Variants in TLN2 observed in about 807,000 individuals in gnomAD.
TLN2 encodes the protein talin-2.
TLN2 carries 118 observed loss-of-function variants against 294.7 expected under a neutral mutation model. The ratio of observed to expected loss-of-function variants is 0.40; its 90% CI spans 0.34 to 0.47. The LOEUF is 0.47. Ranked by LOEUF, TLN2 falls within the 20% of genes least tolerant of loss-of-function variation. The pLI, the probability that TLN2 is intolerant of heterozygous loss-of-function variation, is 0.84. For synonymous variants in TLN2, 1,431 were observed against 1,304.5 expected (o/e 1.10, Z -2.09); for missense variants, 3,083 against 3,282.2 (o/e 0.94, Z 1.48).
intron 1 of TLN2, among the ~76,000 whole-genome samples, chr15:62,573,031 T>G (rs1031271254): frequency 6.6e-6 from 1 of 152,232 alleles, no homozygotes; most frequent in African/African-American, 2.4e-5. Context: ...CCAGTGCCCC[T>G]GCAGGCCAAC....
chr15:62,402,533 T>A (rs2033101962), intron 1 of TLN2, among the ~76,000 whole-genome samples: 1 of 152,178 alleles, frequency 6.6e-6, no homozygotes, highest in African/African-American at 2.4e-5. Flanking sequence ...TGTCTTACTG[T>A]CCTCGGAAAG....
chr15:62,525,115 C>A (rs1286558437), intron 1 of TLN2, among the ~76,000 whole-genome samples: 3 of 152,298 alleles, frequency 2.0e-5, no homozygotes, highest in East Asian at 3.9e-4. Flanking sequence ...AAGGCACTTG[C>A]CCAAGGTCAC....
intron 57 of TLN2, among the ~76,000 whole-genome samples, chr15:62,836,375 G>T (rs1022523137): frequency 1.3e-5 from 2 of 152,244 alleles, no homozygotes; most frequent in Admixed American, 6.5e-5. Context: ...GACTCCCAGG[G>T]TTTGGGCAGT....
intron 2 of TLN2, among the ~76,000 whole-genome samples, chr15:62,604,225 G>A (rs1453978511): frequency 6.6e-6 from 1 of 152,090 alleles, no homozygotes; most frequent in Non-Finnish European, 1.5e-5. Flanking sequence ...CTGCTCAAAA[G>A]GGTTGTCAAG....
intron 2 of TLN2, among the ~76,000 whole-genome samples, chr15:62,593,962 G>C (rs542163224): frequency 1.3e-5 from 2 of 152,202 alleles, no homozygotes; most frequent in South Asian, 4.1e-4. Flanking sequence ...TCAAAATATT[G>C]CATGCAAATG....
At position 62,647,465 on chromosome 15, in the gene TLN2, A is replaced by C; in HGVS notation, c.136+19A>C. On this transcript the variant is annotated intron_variant, in intron 4 of 58. Coordinates refer to ENST00000636159, the MANE Select transcript of TLN2 (RefSeq NM_015059.3). ...GGGCAAGGTAGGTCATGGGTTATTTACTGGCTTCTTAAAACGTGTTTGCAT... is the reference window on the plus strand; with the variant it reads ...GGGCAAGGTAGGTCATGGGTTATTTCCTGGCTTCTTAAAACGTGTTTGCAT... 1 of 1,612,978 alleles carries C rather than the reference A, an allele frequency of 6.2e-7. No individual in the cohort carries two copies. The highest frequency in any genetic ancestry group is 8.5e-7 in the Non-Finnish European group (1 of 1,179,772).
At chr15:62,503,277 A>G (rs1161823201) in intron 1 of TLN2, among the ~76,000 whole-genome samples, 1 of 152,244 alleles carries the variant, frequency 6.6e-6, no homozygotes, top group African/African-American at 2.4e-5. Context: ...CCTCCTAGGA[A>G]GTGGCCATCA....
intron 1 of TLN2, among the ~76,000 whole-genome samples, chr15:62,505,736 AG>A (rs1434660294): frequency 1.3e-5 from 2 of 152,228 alleles, no homozygotes; most frequent in East Asian, 3.9e-4. Flanking sequence ...GAGCAAATTA[AG>A]GAATTTACAA....
At chr15:62,765,279 C>T (rs2062928186) in intron 40 of TLN2, among the ~76,000 whole-genome samples, 1 of 151,704 alleles carries the variant, frequency 6.6e-6, no homozygotes, top group African/African-American at 2.4e-5. Flanking sequence ...GGAAGTTTCT[C>T]TCTGCCTGCT....
At position 62,737,047 on chromosome 15, in the gene TLN2, T is replaced by G. The variant is rs575749618; in HGVS notation, c.3528T>G (p.Ile1176Met). Residue 1176 changes from isoleucine (I) to methionine (M), a missense_variant, in exon 29 of 59, where the codon ATT (isoleucine) becomes ATG (methionine). Transcript: ENST00000636159. ...TTCAAGAGGCCAAGCAGGCCCTGAT[T>G]GCACCTGGAGATGCAGAGCGTCAAC... ...MLIQEAKQAL[I>M]APGDAERQQR... 1.4e-5 allele frequency: 23 copies of G among 1,614,216 alleles called. No individual in the cohort carries two copies. In the South Asian group the frequency reaches 2.3e-4, roughly 16 times the overall value.
intron 42 of TLN2, among the ~76,000 whole-genome samples, chr15:62,772,951 A>G (rs1472457304): frequency 6.6e-6 from 1 of 152,148 alleles, no homozygotes; most frequent in African/African-American, 2.4e-5. Context: ...GGCGTGAGCC[A>G]CCACACCTGA....
rs2058039717 is a variant in TLN2, at chr15:62,692,923, T to G, written c.1197T>G (p.Ile399Met). 1 of 1,612,478 alleles carries G rather than the reference T, an allele frequency of 6.2e-7. No individual in the cohort carries two copies. The highest frequency in any genetic ancestry group is 8.5e-7 in the Non-Finnish European group (1 of 1,179,384). ...EQISQLIAGY[I>M]DIILKKKQSK... is the part of the protein sequence containing the mutation. Reference sequence around the variant, plus strand: ...TATCCCAGCTGATTGCAGGCTACATTGACATCATCCTGAAAAAGGTATTTT... The same window carrying G: ...TATCCCAGCTGATTGCAGGCTACATGGACATCATCCTGAAAAAGGTATTTT... The change falls in exon 13 of 59, where the codon ATT (isoleucine) becomes ATG (methionine). Residue 399 changes from isoleucine to methionine, a missense_variant. Coordinates refer to ENST00000636159, the MANE Select transcript of TLN2 (RefSeq NM_015059.3).
intron 54 of TLN2, among the ~76,000 whole-genome samples, chr15:62,821,050 T>C (rs956706569): frequency 6.6e-6 from 1 of 152,246 alleles, no homozygotes; most frequent in African/African-American, 2.4e-5. Context: ...TTTGTCAGTA[T>C]ATGCTGGAGA....
intron 23 of TLN2, among the ~76,000 whole-genome samples, chr15:62,716,818 A>G (rs1350088286): frequency 2.6e-5 from 4 of 152,198 alleles, no homozygotes; most frequent in Non-Finnish European, 4.4e-5. Context: ...ATGGACTTCA[A>G]AGACTGGAGG....
chr15:62,750,786 G>A (rs942937598), intron 34 of TLN2, among the ~76,000 whole-genome samples: 1 of 152,134 alleles, frequency 6.6e-6, no homozygotes, highest in African/African-American at 2.4e-5. Flanking sequence ...TGCCCCTGTG[G>A]TCCAGGAACC....
At chr15:62,636,420 G>C (rs944475042) in intron 3 of TLN2, among the ~76,000 whole-genome samples, 2 of 152,028 alleles carry the variant, frequency 1.3e-5, no homozygotes, top group Non-Finnish European at 2.9e-5. Context: ...TATGCAGATG[G>C]ACTTTGAGTC....
At position 62,698,753 on chromosome 15, in the gene TLN2, G is replaced by T; in HGVS notation, c.1474-1G>T. Reference sequence around the variant, plus strand: ...CAGCTTTGTTTCATTTGCCTTTGCAGACCTCAGCCCAGCAGGCCCTGATGG... The same window carrying T: ...CAGCTTTGTTTCATTTGCCTTTGCATACCTCAGCCCAGCAGGCCCTGATGG... On this transcript the variant is annotated splice_acceptor_variant, in intron 15 of 58. Transcript: ENST00000636159. LOFTEE classifies it high-confidence loss of function. 6.2e-7 allele frequency: 1 copy of T among 1,609,140 alleles called. No homozygotes were observed.
At chr15:62,667,478 C>G (rs897409653) in intron 9 of TLN2, among the ~76,000 whole-genome samples, 1 of 152,140 alleles carries the variant, frequency 6.6e-6, no homozygotes, top group African/African-American at 2.4e-5. Flanking sequence ...GTTCCTCTAC[C>G]CTGTGCTGAG....
intron 45 of TLN2, 194 bp downstream of exon 45, chr15:62,784,084 A>G (rs981632126): frequency 6.5e-6 from 6 of 927,004 alleles, no homozygotes; most frequent in Middle Eastern, 3.5e-4. Context: ...ACTGCCCCTT[A>G]TGGGGCAGAC....
Sources: allele counts gnomAD v4.1 joint callset (sites outside exome capture counted in the v4.1 genomes callset), GRCh38; gene constraint gnomAD v4.1.1; transcripts MANE v1.5; gene names NCBI Gene and HGNC (gene_info 2026-07-23, HGNC 2026-07-21).